Variants in STXBP5L observed in about 807,000 individuals in gnomAD.
STXBP5L encodes syntaxin-binding protein 5-like.
Under a neutral mutation model 144.5 loss-of-function variants are expected in STXBP5L, and 65 were observed. The observed-to-expected ratio is 0.45, with a 90% CI of 0.37 to 0.55. The LOEUF is 0.55. Among genes scored for constraint, STXBP5L ranks in the 20% least tolerant of loss-of-function variants. STXBP5L has a pLI of 0.00. For synonymous variants in STXBP5L, 505 were observed against 469.6 expected, an observed-to-expected ratio of 1.08 and a Z score of -0.97; for missense variants, 1,298 against 1,405.5, an observed-to-expected ratio of 0.92 and a Z score of 1.22.
chr3:121,345,584 A>C (rs1306838034), intron 20 of STXBP5L, among the ~76,000 whole-genome samples: 1 of 152,092 alleles, frequency 6.6e-6, no homozygotes, highest in African/African-American at 2.4e-5. Flanking sequence ...GGATCACCAC[A>C]CTGTCTTCCA....
At chr3:121,129,770 G>T (rs2044886182) in intron 7 of STXBP5L, among the ~76,000 whole-genome samples, 1 of 151,920 alleles carries the variant, frequency 6.6e-6, no homozygotes, top group Non-Finnish European at 1.5e-5. Context: ...TTTTGCCTAT[G>T]TAATGCTAAC....
intron 3 of STXBP5L, among the ~76,000 whole-genome samples, chr3:120,986,121 A>T (rs2107918333): frequency 6.6e-6 from 1 of 151,776 alleles, no homozygotes; most frequent in Admixed American, 6.6e-5. Flanking sequence ...AGTATTTTCT[A>T]TTTCCCTTCA....
chr3:120,947,228 T>A (rs1462890995), intron 2 of STXBP5L, among the ~76,000 whole-genome samples: 1 of 151,826 alleles, frequency 6.6e-6, no homozygotes, highest in African/African-American at 2.4e-5. Flanking sequence ...CAAGAACACT[T>A]TTTGACTTTG....
At chr3:121,259,586 C>G (rs1323476045) in intron 18 of STXBP5L, among the ~76,000 whole-genome samples, 1 of 151,970 alleles carries the variant, frequency 6.6e-6, no homozygotes, top group Non-Finnish European at 1.5e-5. Flanking sequence ...AGTTCTAGAC[C>G]TTACATTTGA....
At chr3:121,142,507 G>C (rs1212010253) in intron 7 of STXBP5L, among the ~76,000 whole-genome samples, 2 of 151,926 alleles carry the variant, frequency 1.3e-5, no homozygotes. Flanking sequence ...GTTAGGCCAT[G>C]AAACAAACCT....
At chr3:120,978,173 C>G (rs1056376691) in intron 3 of STXBP5L, among the ~76,000 whole-genome samples, 9 of 152,352 alleles carry the variant, frequency 5.9e-5, no homozygotes, top group Admixed American at 3.9e-4. Flanking sequence ...CTGTCACTTT[C>G]AGATACACCA....
At chr3:121,263,859 G>A (rs1233721721) in intron 18 of STXBP5L, among the ~76,000 whole-genome samples, 1 of 152,148 alleles carries the variant, frequency 6.6e-6, no homozygotes, top group Admixed American at 6.5e-5. Context: ...AAAGTAACAG[G>A]GAGAAGGGAA....
At chr3:121,339,705 G>C (rs1363164249) in intron 20 of STXBP5L, among the ~76,000 whole-genome samples, 1 of 151,988 alleles carries the variant, frequency 6.6e-6, no homozygotes, top group Non-Finnish European at 1.5e-5. Flanking sequence ...AATGAATTCA[G>C]TAAAGTCTCA....
At chr3:121,164,436 G>A (rs887289232) in intron 9 of STXBP5L, among the ~76,000 whole-genome samples, 1 of 152,196 alleles carries the variant, frequency 6.6e-6, no homozygotes, top group African/African-American at 2.4e-5. Context: ...CTATTGGTGA[G>A]AATGTAGATT....
At chr3:121,417,842 C>A (rs2047275436) in intron 25 of STXBP5L, among the ~76,000 whole-genome samples, 1 of 151,928 alleles carries the variant, frequency 6.6e-6, no homozygotes, top group East Asian at 1.9e-4. Context: ...CACACATAAC[C>A]ATCATTCATA....
chr3:121,305,731 C>T (rs2043316092), intron 19 of STXBP5L, among the ~76,000 whole-genome samples: 1 of 151,836 alleles, frequency 6.6e-6, no homozygotes, highest in Non-Finnish European at 1.5e-5. Flanking sequence ...GAATCAGTAA[C>T]CAGGGGAGGA....
intron 20 of STXBP5L, among the ~76,000 whole-genome samples, chr3:121,329,655 G>T (rs1387773703): frequency 6.6e-6 from 1 of 152,152 alleles, no homozygotes; most frequent in Non-Finnish European, 1.5e-5. Flanking sequence ...GAGGTCAGGA[G>T]TTCAAGACCA....
chr3:121,394,911 T>C (rs1440584385), intron 22 of STXBP5L, among the ~76,000 whole-genome samples: 1 of 152,184 alleles, frequency 6.6e-6, no homozygotes, highest in Non-Finnish European at 1.5e-5. Context: ...GATTTTTAGA[T>C]TTTTAAAATT....
chr3:121,103,064 A>G (rs749102387), intron 5 of STXBP5L, among the ~76,000 whole-genome samples: 2 of 152,178 alleles, frequency 1.3e-5, no homozygotes, highest in Admixed American at 6.6e-5. Context: ...AATGCTGGCA[A>G]AGCTGTGGAG....
chr3:121,318,731 C>T (rs1171658630), intron 20 of STXBP5L, among the ~76,000 whole-genome samples, 191 bp downstream of exon 20: 2 of 151,936 alleles, frequency 1.3e-5, no homozygotes, highest in African/African-American at 4.8e-5. Context: ...ATATTTTTAT[C>T]TCAAAATAAA....
chr3:121,244,467 C>CAG (rs906934894), intron 14 of STXBP5L, among the ~76,000 whole-genome samples: 18 of 149,272 alleles, frequency 1.2e-4, no homozygotes, highest in African/African-American at 3.9e-4. Flanking sequence ...GAGAGAGAGA[C>CAG]AGAGAGAGAG....
chr3:121,100,714 A>G (rs77009327), intron 5 of STXBP5L, among the ~76,000 whole-genome samples: 18,200 of 151,938 alleles, frequency 0.12, 1,149 homozygotes, highest in Non-Finnish European at 0.14. Context: ...ACTAATCCTA[A>G]AGCTAGCATC....
At chr3:121,387,063 T>C (rs1298059554) in intron 22 of STXBP5L, among the ~76,000 whole-genome samples, 1 of 152,142 alleles carries the variant, frequency 6.6e-6, no homozygotes, top group African/African-American at 2.4e-5. Context: ...CTCTCCAGCA[T>C]CTGTTGTTTC....
At chr3:121,026,746 A>G (rs1357426880) in intron 3 of STXBP5L, among the ~76,000 whole-genome samples, 1 of 152,062 alleles carries the variant, frequency 6.6e-6, no homozygotes, top group Non-Finnish European at 1.5e-5. Context: ...AGAGGAAGAA[A>G]AAGTAAAATC....
Sources: allele counts gnomAD v4.1 joint callset (sites outside exome capture counted in the v4.1 genomes callset), GRCh38; gene constraint gnomAD v4.1.1; transcripts MANE v1.5; gene names NCBI Gene and HGNC (gene_info 2026-07-23, HGNC 2026-07-21).